GALNT16: variants seen among roughly 807,000 people sequenced by gnomAD.
GALNT16 encodes polypeptide N-acetylgalactosaminyltransferase 16, also known as UDP-GalNAc:polypeptide N-acetylgalactosaminyltransferase-like protein 1.
GALNT16 carries 40 observed loss-of-function variants against 76.1 expected under a neutral mutation model. The ratio of observed to expected loss-of-function variants is 0.53; its 90% CI spans 0.41 to 0.68. The LOEUF is 0.68. Among genes scored for constraint, GALNT16 ranks in the 30% least tolerant of loss-of-function variants. The pLI is 0.00. For missense variants in GALNT16, 621 were observed against 731.9 expected (o/e 0.85, Z 1.75); for synonymous variants, 276 against 285.2 (o/e 0.97, Z 0.32).
At chr14:69,260,803 G>A (rs934196456) in intron 1 of GALNT16, among the ~76,000 whole-genome samples, 3 of 151,776 alleles carry the variant, frequency 2.0e-5, no homozygotes, top group Non-Finnish European at 2.9e-5. Flanking sequence ...CGGGAGCCTC[G>A]TGTGCCCCGG....
At chr14:69,377,317 T>A in the GALNT16 span, among the ~76,000 whole-genome samples, 1 of 152,244 alleles carries the variant, frequency 6.6e-6, no homozygotes, top group Non-Finnish European at 1.5e-5. Flanking sequence ...TGGTATTGCT[T>A]TGTGATCTGG....
chr14:69,322,447 C>T (rs963072984), intron 2 of GALNT16, among the ~76,000 whole-genome samples: 3 of 152,260 alleles, frequency 2.0e-5, no homozygotes, highest in Non-Finnish European at 2.9e-5. Context: ...CACCCCCCAG[C>T]TTACCTGACT....
chr14:69,289,799 C>T (rs1205976063), intron 1 of GALNT16, among the ~76,000 whole-genome samples: 3 of 152,130 alleles, frequency 2.0e-5, no homozygotes, highest in Non-Finnish European at 2.9e-5. Flanking sequence ...AGTGCTGTGG[C>T]GCGGTCTCAC....
At chr14:69,372,048 T>A in the GALNT16 span, among the ~76,000 whole-genome samples, 1 of 152,210 alleles carries the variant, frequency 6.6e-6, no homozygotes, top group Admixed American at 6.5e-5. Flanking sequence ...GGAAACAGCA[T>A]AACTGTTACT....
intron 1 of GALNT16, among the ~76,000 whole-genome samples, chr14:69,308,220 C>G (rs542506390): frequency 9.9e-5 from 15 of 151,310 alleles, no homozygotes; most frequent in Non-Finnish European, 1.2e-4. Flanking sequence ...TGAGCTCAAT[C>G]CTTTTATCTT....
Position 69,333,567 on chromosome 14 carries a change from G to GC in GALNT16, c.937dup (p.Gln313ProfsTer11), listed in dbSNP as rs1566884923. On this transcript the variant is annotated frameshift_variant, in exon 9 of 15. Transcript: ENST00000448469. LOFTEE classifies it high-confidence loss of function. This position sits in a 1 kb window ranked among gnomAD's most constrained non-coding sequence, Gnocchi z 4.2. Reference sequence around the variant, plus strand: ...GTTTAACCACTTGGGAAAGTATGATGCCCAGATGGACATCTGGGGGGGAGA... The same window carrying GC: ...GTTTAACCACTTGGGAAAGTATGATGCCCCAGATGGACATCTGGGGGGGAGA... 1 of 1,600,948 alleles carries GC rather than the reference G, an allele frequency of 6.2e-7. No homozygotes were observed. The highest frequency in any genetic ancestry group is 8.5e-7 in the Non-Finnish European group (1 of 1,171,344).
chr14:69,285,724 T>G (rs2044602460), intron 1 of GALNT16, among the ~76,000 whole-genome samples: 1 of 152,150 alleles, frequency 6.6e-6, no homozygotes, highest in Non-Finnish European at 1.5e-5. Context: ...ACCAGAGAAC[T>G]GGAACTGCAG....
At chr14:69,361,923 C>T (rs1346626892), downstream of GALNT16, among the ~76,000 whole-genome samples, 1 of 152,196 alleles carries the variant, frequency 6.6e-6, no homozygotes, top group African/African-American at 2.4e-5. Context: ...AGGAAAAATG[C>T]TTGAACCTGG....
intron 1 of GALNT16, among the ~76,000 whole-genome samples, chr14:69,312,059 G>GTCTATCTATCTA (rs3045602): frequency 5.4e-4 from 51 of 94,236 alleles, no homozygotes; most frequent in Non-Finnish European, 7.1e-4. Flanking sequence ...AAAAAAATCT[G>GTCTATCTATCTA]TCTATCTATC....
At chr14:69,325,690 A>G (rs2045272850) in intron 4 of GALNT16, among the ~76,000 whole-genome samples, 1 of 152,240 alleles carries the variant, frequency 6.6e-6, no homozygotes, top group African/African-American at 2.4e-5. Context: ...TGCCAAATGC[A>G]GATGATAGCT....
chr14:69,382,405 TA>T, the GALNT16 span, among the ~76,000 whole-genome samples: 1 of 152,126 alleles, frequency 6.6e-6, no homozygotes, highest in African/African-American at 2.4e-5. Context: ...GAAAATAACT[TA>T]AAAAGGAACA....
the GALNT16 span, among the ~76,000 whole-genome samples, chr14:69,374,556 T>G: frequency 6.6e-6 from 1 of 152,192 alleles, no homozygotes; most frequent in African/African-American, 2.4e-5. Context: ...AATTGTAGAC[T>G]GTGAGTCCAC....
the GALNT16 span, among the ~76,000 whole-genome samples, chr14:69,365,706 T>A: frequency 6.6e-6 from 1 of 152,066 alleles, no homozygotes; most frequent in Non-Finnish European, 1.5e-5. Flanking sequence ...GGATGATCTG[T>A]GCAGCAAACC....
At chr14:69,385,061 T>C in the GALNT16 span, among the ~76,000 whole-genome samples, 1 of 152,324 alleles carries the variant, frequency 6.6e-6, no homozygotes, top group African/African-American at 2.4e-5. Context: ...TACAATGAAC[T>C]GATCTACCTC....
chr14:69,368,569 G>A, the GALNT16 span, among the ~76,000 whole-genome samples: 1 of 152,180 alleles, frequency 6.6e-6, no homozygotes, highest in Non-Finnish European at 1.5e-5. Flanking sequence ...ACTTCATACT[G>A]GTAGTGAGAT....
chr14:69,362,103 A>C, the GALNT16 span, among the ~76,000 whole-genome samples: 1 of 152,202 alleles, frequency 6.6e-6, no homozygotes, highest in Non-Finnish European at 1.5e-5. Flanking sequence ...GTAGCTCTGG[A>C]GGCGATTGCG....
intron 1 of GALNT16, among the ~76,000 whole-genome samples, chr14:69,281,067 A>C (rs942287860): frequency 6.7e-6 from 1 of 149,540 alleles, no homozygotes; most frequent in Non-Finnish European, 1.5e-5. Flanking sequence ...CACCAACCCA[A>C]CTGTGCTACA....
chr14:69,384,830 A>G, the GALNT16 span, among the ~76,000 whole-genome samples: 1 of 152,198 alleles, frequency 6.6e-6, no homozygotes, highest in Non-Finnish European at 1.5e-5. Flanking sequence ...TAATATACAC[A>G]TTATTGGTAA....
chr14:69,338,729 A>G lies in GALNT16; in HGVS notation c.1046A>G (p.Lys349Arg). Residue 349 changes from lysine to arginine, a missense_variant, in exon 10 of 15, where the codon AAA becomes AGA. Physicochemically the swap from Lys to Arg is conservative, Grantham distance 26 (BLOSUM62 2). Transcript: ENST00000448469. Reference protein sequence around the residue: ...PCSRVGHVFRKRHPYNFPEGN... With the variant: ...PCSRVGHVFRRRHPYNFPEGN... ...AGCCGGGTGGGCCATGTCTTCAGGA[A>G]ACGGCACCCCTACAACTTCCCTGAG... The G allele has an allele frequency of 6.2e-7, 1 of 1,613,558 alleles. No individual in the cohort carries two copies.
Sources: allele counts gnomAD v4.1 joint callset (sites outside exome capture counted in the v4.1 genomes callset), GRCh38; gene constraint gnomAD v4.1.1; non-coding constraint Gnocchi (gnomAD v3.1); transcripts MANE v1.5; gene names NCBI Gene and HGNC (gene_info 2026-07-23, HGNC 2026-07-21).